The following ZNF85 variants were observed in gnomAD, a reference collection of about 807,000 sequenced individuals.
ZNF85 encodes the protein zinc finger protein 85.
In ZNF85, 50 loss-of-function variants were observed where a neutral mutation model predicts 53.9. The observed-to-expected ratio is 0.93, with a 90% CI of 0.74 to 1.17. ZNF85 has a LOEUF of 1.17. Ranked by LOEUF, ZNF85 falls within the 50% of genes most tolerant of loss-of-function variation. ZNF85 has a pLI of 0.00. For synonymous variants in ZNF85, 225 were observed against 226.1 expected (o/e 1.00, Z 0.04); for missense variants, 747 against 688.5 (o/e 1.08, Z -0.95).
Position 20,949,780 on chromosome 19 carries a change from A to T in ZNF85, c.1266A>T (p.Gly422=). 6.2e-7 allele frequency: 1 copy of T among 1,612,070 alleles called. No homozygotes were observed. Among genetic ancestry groups the T allele is most frequent in the Non-Finnish European group, 8.5e-7 (1 of 1,179,088 alleles). ...CTAAACATAAGATAATTCATACTGG[A>T]GAGAAGCCTTACAAATGTAAAGAAT... ...TLTKHKIIHT[G]EKPYKCKECE... The change falls in exon 4 of 4, where the codon GGA becomes GGT. Residue 422 remains glycine, a synonymous_variant. Coordinates refer to ENST00000328178, the MANE Select transcript of ZNF85 (RefSeq NM_003429.5).
rs1384599405 is a variant in ZNF85, at chr19:20,950,074, C to G, written c.1560C>G (p.Asn520Lys). ...GTGAAGAATGTGGCAAAGCTTTTAA[C>G]CAATCCTCAAAACTTACCAAACATA... ...YKCEECGKAFNQSSKLTKHKK... is the reference protein window; with the variant it reads ...YKCEECGKAFKQSSKLTKHKK... The change falls in exon 4 of 4, where the codon AAC becomes AAG. Residue 520 changes from asparagine (N) to lysine (K), a missense_variant. Physicochemically the swap from Asn to Lys is moderately conservative, Grantham distance 94. Coordinates refer to ENST00000328178, the MANE Select transcript of ZNF85 (RefSeq NM_003429.5). 1 of 1,612,402 alleles carries G rather than the reference C, an allele frequency of 6.2e-7. No individual in the cohort carries two copies. Among genetic ancestry groups the G allele is most frequent in the South Asian group, 1.1e-5 (1 of 91,018 alleles).
chr19:20,927,190 A>C (rs1053306312), intron 1 of ZNF85: 1 of 152,200 alleles, frequency 6.6e-6, no homozygotes, highest in Non-Finnish European at 1.5e-5. Flanking sequence ...GTGGTGGCTC[A>C]CACCTGTAAT....
At chr19:20,937,832 C>T (rs557930004) in intron 3 of ZNF85, among the ~76,000 whole-genome samples, 2 of 152,326 alleles carry the variant, frequency 1.3e-5, no homozygotes, top group African/African-American at 4.8e-5. Flanking sequence ...TCTGGAAGGG[C>T]AGGGCCTCTT....
intron 3 of ZNF85, among the ~76,000 whole-genome samples, chr19:20,945,058 G>A (rs1306595888): frequency 1.3e-5 from 2 of 151,978 alleles, no homozygotes; most frequent in Non-Finnish European, 2.9e-5. Flanking sequence ...TTATTTCTGT[G>A]TGGGAGAAAC....
At chr19:20,940,264 GGC>G (rs1225079270) in intron 3 of ZNF85, among the ~76,000 whole-genome samples, 4 of 151,984 alleles carry the variant, frequency 2.6e-5, no homozygotes, top group Non-Finnish European at 1.5e-5. Context: ...GCATGGTTGT[GGC>G]TCACATCTGT....
At chr19:20,937,152 C>T (rs966786944) in intron 3 of ZNF85, 1 of 309,300 alleles carries the variant, frequency 3.2e-6, no homozygotes, top group Non-Finnish European at 6.5e-6. Flanking sequence ...CTGCCTCAGC[C>T]TCCCAAGTAG....
intron 1 of ZNF85, chr19:20,927,593 A>G (rs1972909764): frequency 1.3e-5 from 2 of 151,450 alleles, no homozygotes; most frequent in African/African-American, 4.8e-5. Context: ...TCATAATAAG[A>G]AGGGTGTTTT....
chr19:20,933,308 TATC>T (rs1973071642), intron 1 of ZNF85, among the ~76,000 whole-genome samples: 3 of 152,064 alleles, frequency 2.0e-5, no homozygotes, highest in African/African-American at 7.2e-5. Context: ...TCTTCATTAT[TATC>T]TTAATGCAGC....
intron 1 of ZNF85, among the ~76,000 whole-genome samples, 186 bp downstream of exon 1, chr19:20,923,589 C>T (rs1599422533): frequency 6.6e-6 from 1 of 152,272 alleles, no homozygotes; most frequent in African/African-American, 2.4e-5. Flanking sequence ...CCGGCCCGGG[C>T]GTCCTGTCTC....
intron 3 of ZNF85, among the ~76,000 whole-genome samples, chr19:20,938,530 A>G (rs544866608): frequency 6.6e-6 from 1 of 152,124 alleles, no homozygotes; most frequent in South Asian, 2.1e-4. Flanking sequence ...AAAGTAGGGC[A>G]CCTTTTATTT....
At chr19:20,924,017 G>A (rs1363409949) in intron 1 of ZNF85, among the ~76,000 whole-genome samples, 3 of 151,596 alleles carry the variant, frequency 2.0e-5, no homozygotes, top group Non-Finnish European at 2.9e-5. Context: ...CCCGGGAGGC[G>A]GAGGTTGCAG....
At position 20,923,276 on chromosome 19, in the gene ZNF85, G is replaced by GC. The variant is rs1295739085; in HGVS notation, c.-124dup. ...GCCTTTGTCTCTCGCTGCAGCCTGAGCTCTAGGTCTTGTTTTCCCTGCTTT... is the reference window on the plus strand; with the variant it reads ...GCCTTTGTCTCTCGCTGCAGCCTGAGCCTCTAGGTCTTGTTTTCCCTGCTTT... On this transcript the variant is annotated 5_prime_UTR_variant, in exon 1 of 4. Transcript: ENST00000328178. 2.0e-6 allele frequency: 3 copies of GC among 1,484,276 alleles called. No homozygotes were observed. The highest frequency in any genetic ancestry group is 2.8e-6 in the Non-Finnish European group (3 of 1,071,280). The allele number at this position is 1,484,276 out of a possible 1,614,324, so 91.9% of individuals were successfully genotyped here.
intron 1 of ZNF85, among the ~76,000 whole-genome samples, chr19:20,933,264 G>A (rs1268987330): frequency 1.3e-5 from 2 of 151,282 alleles, no homozygotes; most frequent in South Asian, 2.1e-4. Flanking sequence ...AGAGCTCTCT[G>A]ACAGATTTTG....
intron 3 of ZNF85, chr19:20,943,044 G>T: frequency 2.1e-6 from 1 of 474,396 alleles, no homozygotes; most frequent in Non-Finnish European, 3.7e-6. Context: ...CCAAAGTGTT[G>T]GGATTATAGG....
At chr19:20,945,932 A>G (rs1437522397) in intron 3 of ZNF85, among the ~76,000 whole-genome samples, 2 of 152,182 alleles carry the variant, frequency 1.3e-5, no homozygotes, top group Non-Finnish European at 2.9e-5. Context: ...TACATTACGT[A>G]TGTACTGCAT....
At chr19:20,948,083 G>T (rs1973466570) in intron 3 of ZNF85, among the ~76,000 whole-genome samples, 1 of 152,048 alleles carries the variant, frequency 6.6e-6, no homozygotes, top group African/African-American at 2.4e-5. Flanking sequence ...GAAACCAATT[G>T]TCTTGGATAG....
Position 20,937,003 on chromosome 19 carries a change from T to G in ZNF85, c.229+1956T>G, listed in dbSNP as rs543880322. 28 of 188,348 alleles carry G rather than the reference T, an allele frequency of 1.5e-4. 1 individual carries two copies. The East Asian group carries it at 3.3e-3, about 22-fold the overall frequency. The allele number at this position is 188,348 out of a possible 1,614,324, so 11.7% of individuals were successfully genotyped here. A position where few individuals can be genotyped will look rare whatever the true frequency, so the allele number is the denominator to read the frequency against. On this transcript the variant is annotated intron_variant, in intron 3 of 3. Coordinates refer to ENST00000328178, the MANE Select transcript of ZNF85 (RefSeq NM_003429.5). ...ATGAGCAAACAGCTCTTCAAGTTTT[T>G]GGGGTTTTTTTGTTTGTTTTGTTTT...
intron 1 of ZNF85, among the ~76,000 whole-genome samples, chr19:20,929,169 A>G (rs1972949629): frequency 6.7e-6 from 1 of 149,012 alleles, no homozygotes; most frequent in Non-Finnish European, 1.5e-5. Flanking sequence ...AGGATTCACT[A>G]GACAAAAACT....
At chr19:20,940,271 A>G (rs1488050172) in intron 3 of ZNF85, among the ~76,000 whole-genome samples, 4 of 152,164 alleles carry the variant, frequency 2.6e-5, no homozygotes, top group Non-Finnish European at 1.5e-5. Flanking sequence ...TGTGGCTCAC[A>G]TCTGTAATCC....
Sources: allele counts gnomAD v4.1 joint callset (sites outside exome capture counted in the v4.1 genomes callset), GRCh38; gene constraint gnomAD v4.1.1; transcripts MANE v1.5; gene names NCBI Gene and HGNC (gene_info 2026-07-23, HGNC 2026-07-21).